Variants in POU2F1 observed in about 807,000 individuals in gnomAD.
POU2F1 encodes the protein POU class 2 homeobox 1.
In POU2F1, 16 loss-of-function variants were observed where a neutral mutation model predicts 84.9. The ratio of observed to expected loss-of-function variants is 0.19; its 90% CI spans 0.13 to 0.29. The LOEUF is 0.29. Among genes scored for constraint, POU2F1 ranks in the 10% least tolerant of loss-of-function variants. The pLI is 1.00. For missense variants in POU2F1, 738 were observed against 942.6 expected, an observed-to-expected ratio of 0.78 and a Z score of 2.84; for synonymous variants, 368 against 368.3, an observed-to-expected ratio of 1.00 and a Z score of 0.01.
intron 2 of POU2F1, 90 bp downstream of exon 2, chr1:167,332,625 TACAG>T (rs1399873448): frequency 2.0e-6 from 2 of 994,410 alleles, no homozygotes; most frequent in African/African-American, 3.2e-5. Flanking sequence ...ATTTGGCAAA[TACAG>T]ACCAATTTGA....
intron 2 of POU2F1, among the ~76,000 whole-genome samples, chr1:167,360,121 T>C (rs373484262): frequency 6.6e-6 from 1 of 152,140 alleles, no homozygotes; most frequent in Admixed American, 6.5e-5. Flanking sequence ...CTGTAGGTTG[T>C]TTATTCTGTT....
intron 10 of POU2F1, chr1:167,396,686 A>AAC (rs34119749): frequency 0.16 from 52,865 of 324,454 alleles, 4,535 homozygotes; most frequent in African/African-American, 0.3. Flanking sequence ...CAGGATTAGG[A>AAC]ACACACACAC....
chr1:167,412,732 TTTTCTC>T (rs1173477961), intron 14 of POU2F1, among the ~76,000 whole-genome samples: 2 of 152,198 alleles, frequency 1.3e-5, no homozygotes, highest in African/African-American at 4.8e-5. Flanking sequence ...AAATATATCT[TTTTCTC>T]TAGAATGTTT....
intron 1 of POU2F1, among the ~76,000 whole-genome samples, chr1:167,315,013 G>C (rs1655785231): frequency 6.6e-6 from 1 of 152,014 alleles, no homozygotes; most frequent in Admixed American, 6.6e-5. Context: ...TGTCTCTCTT[G>C]CTCCTGCTTT....
At chr1:167,321,609 A>G (rs914704421) in intron 1 of POU2F1, among the ~76,000 whole-genome samples, 10 of 152,192 alleles carry the variant, frequency 6.6e-5, no homozygotes, top group African/African-American at 2.4e-4. Context: ...TAAGTCCTCT[A>G]AAGCCTCCAG....
chr1:167,391,112 T>C (rs1055038808), intron 9 of POU2F1, among the ~76,000 whole-genome samples: 3 of 152,196 alleles, frequency 2.0e-5, no homozygotes, highest in African/African-American at 7.2e-5. Context: ...TCATAAATAA[T>C]ATATTTTTTT....
chr1:167,425,450 T>G lies in POU2F1; in HGVS notation c.*9640T>G, dbSNP rs1650898369. The G allele has an allele frequency of 6.6e-6, 1 of 152,256 alleles. No individual in the cohort carries two copies. Among genetic ancestry groups the G allele is most frequent in the South Asian group, 2.1e-4 (1 of 4,834 alleles). The allele number at this position is 152,256 out of a possible 1,614,324, so 9.4% of individuals were successfully genotyped here. A position where few individuals can be genotyped will look rare whatever the true frequency, so the allele number is the denominator to read the frequency against. On this transcript the variant is annotated 3_prime_UTR_variant, in exon 16 of 16. Transcript: ENST00000367866. Reference sequence around the variant, plus strand: ...AGGGCAGGCAAGCTGCTTACCACCTTCCAGGGTCCAGCACAGGTGCATGCC... The same window carrying G: ...AGGGCAGGCAAGCTGCTTACCACCTGCCAGGGTCCAGCACAGGTGCATGCC...
intron 10 of POU2F1, chr1:167,396,877 G>C (rs1238775556): frequency 6.5e-6 from 1 of 153,492 alleles, no homozygotes; most frequent in African/African-American, 2.4e-5. Context: ...TACTAGCTTT[G>C]TCTTACGTTT....
intron 1 of POU2F1, among the ~76,000 whole-genome samples, chr1:167,313,201 A>G (rs1423446035): frequency 6.6e-6 from 1 of 151,144 alleles, no homozygotes; most frequent in Non-Finnish European, 1.5e-5. Context: ...TAAGGGAGAG[A>G]TATATACTAT....
chr1:167,396,244 CTG>C (rs1648801719), intron 9 of POU2F1, 40 bp from the exon 10 acceptor site: 2 of 1,606,934 alleles, frequency 1.2e-6, no homozygotes, highest in African/African-American at 1.3e-5. Flanking sequence ...TGAGATAACT[CTG>C]TCTTTCCTCT....
At position 167,263,605 on chromosome 1, in the gene POU2F1, A is replaced by G. The variant is rs371795654; in HGVS notation, c.61+42647A>G. On this transcript the variant is annotated intron_variant, in intron 1 of 15. Transcript: ENST00000367866. The stretch of plus-strand genomic sequence containing the variant: ...TCAGTGAGTTATGTACCACAGATAG[A>G]TATAAACTTCCAAAAACACAGTTCC... Among the ~76,000 whole-genome samples the G allele has an allele frequency of 3.3e-5, 5 of 152,106 alleles. No homozygotes were observed. The East Asian group carries it at 7.7e-4, about 23-fold the overall frequency.
intron 1 of POU2F1, among the ~76,000 whole-genome samples, chr1:167,299,695 G>GTTTTTTTTTTTTTTTTTTTTTTTTTTT (rs571000920): frequency 7.2e-5 from 10 of 139,344 alleles, no homozygotes; most frequent in African/African-American, 2.8e-4. Flanking sequence ...GGAGACCAGA[G>GTTTTTTTTTTTTTTTTTTTTTTTTTTT]TTTTTTTTTT....
chr1:167,247,763 C>T (rs1473839894), intron 1 of POU2F1, among the ~76,000 whole-genome samples: 3 of 152,056 alleles, frequency 2.0e-5, no homozygotes, highest in Non-Finnish European at 4.4e-5. Context: ...GGCTTTTCTA[C>T]GTGTTTTACA....
At chr1:167,328,528 CATT>C (rs1355522500) in intron 1 of POU2F1, among the ~76,000 whole-genome samples, 1 of 152,126 alleles carries the variant, frequency 6.6e-6, no homozygotes, top group South Asian at 2.1e-4. Flanking sequence ...TTACTGAAGT[CATT>C]GTTGCCAGCA....
chr1:167,270,854 A>G lies in POU2F1; in HGVS notation c.61+49896A>G, dbSNP rs76101335. On this transcript the variant is annotated intron_variant, in intron 1 of 15. Transcript: ENST00000367866. Reference sequence around the variant, plus strand: ...GAATGCTCCGTCTCCTGCCCAGCACATTTCTGCCCCTTCCACATGGTTTTT... The same window carrying G: ...GAATGCTCCGTCTCCTGCCCAGCACGTTTCTGCCCCTTCCACATGGTTTTT... 3.9e-3 allele frequency among the ~76,000 whole-genome samples: 591 copies of G among 152,266 alleles called. 3 individuals carry two copies. The highest frequency in any genetic ancestry group is 0.013 in the African/African-American group (544 of 41,532).
intron 1 of POU2F1, among the ~76,000 whole-genome samples, chr1:167,252,250 C>T (rs1650786603): frequency 6.6e-6 from 1 of 152,226 alleles, no homozygotes; most frequent in South Asian, 2.1e-4. Context: ...TGTTTCCTTA[C>T]CTTTTAACTT....
intron 2 of POU2F1, among the ~76,000 whole-genome samples, chr1:167,353,124 C>T (rs184366705): frequency 1.6e-4 from 24 of 152,328 alleles, no homozygotes; most frequent in African/African-American, 5.3e-4. Flanking sequence ...AACTGTCTCT[C>T]AGCTGGGTCT....
Position 167,417,028 on chromosome 1 carries a change from G to A in POU2F1, c.*1218G>A, listed in dbSNP as rs1381094217. Reference sequence around the variant, plus strand: ...AAAAAAAACTGACTTACTGAAATTGGGAAACTTTTCCCTTCTTTTATTTTC... The same window carrying A: ...AAAAAAAACTGACTTACTGAAATTGAGAAACTTTTCCCTTCTTTTATTTTC... On this transcript the variant is annotated 3_prime_UTR_variant, in exon 16 of 16. Coordinates refer to ENST00000367866, the MANE Select transcript of POU2F1 (RefSeq NM_002697.4). 1.3e-5 allele frequency: 2 copies of A among 152,102 alleles called. No individual in the cohort carries two copies. Among genetic ancestry groups the A allele is most frequent in the Admixed American group, 6.5e-5 (1 of 15,280 alleles). The allele number at this position is 152,102 out of a possible 1,614,324, so 9.4% of individuals were successfully genotyped here. A position where few individuals can be genotyped will look rare whatever the true frequency, so the allele number is the denominator to read the frequency against.
At chr1:167,344,556 T>C (rs534367924) in intron 2 of POU2F1, among the ~76,000 whole-genome samples, 2 of 152,324 alleles carry the variant, frequency 1.3e-5, no homozygotes, top group East Asian at 3.9e-4. Context: ...TGGATTCATA[T>C]CTTGCTCCTT....
Sources: gnomAD v4.1 joint callset for allele counts (sites outside exome capture counted in the v4.1 genomes callset) on GRCh38, gnomAD v4.1.1 for gene constraint, MANE v1.5 for transcripts, NCBI Gene and HGNC (gene_info 2026-07-23, HGNC 2026-07-21) for gene names.